The following ARL15 variants were observed in gnomAD, a reference collection of about 807,000 sequenced individuals.
ARL15 encodes the protein ADP-ribosylation factor-like protein 15.
ARL15 carries 19 observed loss-of-function variants against 25.2 expected under a neutral mutation model. The observed-to-expected ratio is 0.75, with a 90% CI of 0.53 to 1.10. The LOEUF (loss-of-function observed/expected upper bound fraction) is 1.10, where lower values mean the gene tolerates loss of function less well. Ranked by LOEUF, ARL15 falls within the 50% of genes least tolerant of loss-of-function variation. The pLI, the probability that ARL15 is intolerant of heterozygous loss-of-function variation, is 0.00. For missense variants in ARL15, 220 were observed against 246.0 expected, an observed-to-expected ratio of 0.89 and a Z score of 0.71; for synonymous variants, 94 against 86.8, an observed-to-expected ratio of 1.08 and a Z score of -0.46.
At chr5:54,171,679 T>C in intron 2 of ARL15, 105 bp downstream of exon 2, 1 of 1,291,520 alleles carries the variant, frequency 7.7e-7, no homozygotes, top group Non-Finnish European at 1.0e-6. Context: ...ATAAACTGAT[T>C]AAAGCATTAA....
chr5:54,269,881 C>G (rs759339615), intron 1 of ARL15, among the ~76,000 whole-genome samples: 6 of 152,118 alleles, frequency 3.9e-5, no homozygotes, highest in Non-Finnish European at 5.9e-5. Context: ...GCCTGACCTC[C>G]TGATCCACCT....
intron 4 of ARL15, among the ~76,000 whole-genome samples, chr5:54,112,214 A>G (rs899088368): frequency 1.3e-5 from 2 of 152,186 alleles, no homozygotes; most frequent in African/African-American, 4.8e-5. Flanking sequence ...AAATTATCCA[A>G]ATTAATCCTA....
At chr5:54,124,624 T>C (rs1753187033) in intron 3 of ARL15, among the ~76,000 whole-genome samples, 1 of 152,176 alleles carries the variant, frequency 6.6e-6, no homozygotes, top group Non-Finnish European at 1.5e-5. Context: ...CAAAAATCAA[T>C]CTAAGGTCAT....
chr5:54,140,429 T>C (rs1468343930), intron 3 of ARL15, among the ~76,000 whole-genome samples: 4 of 134,776 alleles, frequency 3.0e-5, no homozygotes, highest in Non-Finnish European at 5.0e-5. Flanking sequence ...GATAGATAGA[T>C]AGATAGATAG....
At chr5:54,081,712 T>G (rs1452068335) in intron 4 of ARL15, among the ~76,000 whole-genome samples, 1 of 152,206 alleles carries the variant, frequency 6.6e-6, no homozygotes, top group Non-Finnish European at 1.5e-5. Context: ...GTAAGTTTCC[T>G]GAGGCCTCCC....
intron 1 of ARL15, among the ~76,000 whole-genome samples, chr5:54,202,348 T>C (rs1188391879): frequency 6.6e-6 from 1 of 152,160 alleles, no homozygotes; most frequent in African/African-American, 2.4e-5. Flanking sequence ...TTAATCCAGG[T>C]AGGCTCAATG....
At chr5:54,150,507 A>G (rs1415150533) in intron 3 of ARL15, among the ~76,000 whole-genome samples, 1 of 152,190 alleles carries the variant, frequency 6.6e-6, no homozygotes, top group South Asian at 2.1e-4. Context: ...TTTTGTCAAT[A>G]TGGTATTTTA....
intron 4 of ARL15, among the ~76,000 whole-genome samples, chr5:54,036,010 T>A (rs949113351): frequency 1.3e-5 from 2 of 152,028 alleles, no homozygotes; most frequent in Non-Finnish European, 2.9e-5. Flanking sequence ...AAACTCAGCA[T>A]GGTGGTGCAT....
At chr5:54,215,617 AAG>A (rs1756179576) in intron 1 of ARL15, among the ~76,000 whole-genome samples, 1 of 91,254 alleles carries the variant, frequency 1.1e-5, no homozygotes, top group Non-Finnish European at 2.7e-5. Context: ...TAAGTGCGCG[AAG>A]GGGGGAGGGG....
At chr5:54,225,112 G>C (rs1007517007) in intron 1 of ARL15, among the ~76,000 whole-genome samples, 1 of 152,170 alleles carries the variant, frequency 6.6e-6, no homozygotes, top group African/African-American at 2.4e-5. Flanking sequence ...ACAAGTTAAC[G>C]TAATTAAAGC....
intron 4 of ARL15, among the ~76,000 whole-genome samples, chr5:53,944,079 C>T (rs1184825267): frequency 6.6e-6 from 1 of 152,086 alleles, no homozygotes; most frequent in Non-Finnish European, 1.5e-5. Flanking sequence ...GAATTAAGAT[C>T]CTTCTAGGGA....
chr5:54,003,768 G>GC (rs3842041), intron 4 of ARL15, among the ~76,000 whole-genome samples: 40,756 of 151,088 alleles, frequency 0.27, 5,754 homozygotes, highest in East Asian at 0.46. Flanking sequence ...TCATTCTTGT[G>GC]CCCCTCCTTT....
intron 4 of ARL15, among the ~76,000 whole-genome samples, chr5:54,090,467 G>A (rs944671363): frequency 4.6e-5 from 7 of 151,790 alleles, no homozygotes. Context: ...CAAGGCAGTG[G>A]TTACTTCTAG....
chr5:54,031,820 A>C (rs138017704), intron 4 of ARL15, among the ~76,000 whole-genome samples: 105 of 152,242 alleles, frequency 6.9e-4, no homozygotes, highest in African/African-American at 2.3e-3. Flanking sequence ...ATCCTTCCAC[A>C]ATCCCCAACA....
intron 1 of ARL15, among the ~76,000 whole-genome samples, chr5:54,233,218 T>C (rs1756719460): frequency 6.6e-6 from 1 of 152,248 alleles, no homozygotes; most frequent in Admixed American, 6.5e-5. Context: ...TGTAAAAGTC[T>C]AAGGGTTGTC....
intron 4 of ARL15, among the ~76,000 whole-genome samples, chr5:54,018,841 G>A (rs1303114702): frequency 6.6e-6 from 1 of 152,116 alleles, no homozygotes; most frequent in Non-Finnish European, 1.5e-5. Context: ...ATGTAAGAAA[G>A]TTTCTCCCTT....
At chr5:53,939,463 G>A (rs1202697305) in intron 4 of ARL15, among the ~76,000 whole-genome samples, 2 of 152,180 alleles carry the variant, frequency 1.3e-5, no homozygotes, top group Non-Finnish European at 2.9e-5. Context: ...TGGGCCGGGC[G>A]CGATGGCTCA....
intron 4 of ARL15, among the ~76,000 whole-genome samples, chr5:54,020,907 A>AT (rs1749582026): frequency 6.6e-6 from 1 of 152,074 alleles, no homozygotes; most frequent in African/African-American, 2.4e-5. Context: ...GTGAGCCGAG[A>AT]TAGCACCATT....
At chr5:54,006,278 G>T (rs1408584141) in intron 4 of ARL15, among the ~76,000 whole-genome samples, 4 of 151,984 alleles carry the variant, frequency 2.6e-5, no homozygotes, top group Non-Finnish European at 5.9e-5. Flanking sequence ...TCTTAGTTCT[G>T]CTTTCCAGAG....
Sources: gnomAD v4.1 joint callset for allele counts (sites outside exome capture counted in the v4.1 genomes callset) on GRCh38, gnomAD v4.1.1 for gene constraint, MANE v1.5 for transcripts, NCBI Gene and HGNC (gene_info 2026-07-23, HGNC 2026-07-21) for gene names.